The following OPA3 variants were observed in gnomAD, a reference collection of about 807,000 sequenced individuals.
OPA3 encodes the protein optic atrophy 3 protein.
OPA3 carries 6 observed loss-of-function variants against 4.0 expected under a neutral mutation model. The ratio of observed to expected loss-of-function variants is 1.51; its 90% CI spans 0.83 to 2.99. The LOEUF is 2.99. Ranked by LOEUF, OPA3 falls within the 30% of genes most tolerant of loss-of-function variation. OPA3 has a pLI of 0.00. For synonymous variants in OPA3, 105 were observed against 117.1 expected (o/e 0.90, Z 0.67); for missense variants, 235 against 256.2 (o/e 0.92, Z 0.56).
intron 1 of OPA3, among the ~76,000 whole-genome samples, chr19:45,555,576 C>A (rs750665519): frequency 1.3e-5 from 2 of 152,034 alleles, no homozygotes; most frequent in Non-Finnish European, 2.9e-5. Flanking sequence ...CTGCAAGCTC[C>A]GCCACCCGGG....
chr19:45,555,090 A>G (rs1969400647), intron 1 of OPA3, among the ~76,000 whole-genome samples: 2 of 152,228 alleles, frequency 1.3e-5, no homozygotes, highest in African/African-American at 4.8e-5. Flanking sequence ...ATGTCCATCC[A>G]AAAGATGAAC....
rs375271511 is a variant in OPA3, at chr19:45,531,583, G to A, written c.143-2127C>T. On this transcript the variant is annotated intron_variant, in intron 1 of 1. Transcript: ENST00000323060. ...TGAATTTCATTCTAGTTTTCCTGGA[G>A]TATATCCCTAGATACCTTTTGCAGA... is the stretch of plus-strand genomic sequence containing the variant. Among the ~76,000 whole-genome samples the A allele has an allele frequency of 1.1e-4, 17 of 152,236 alleles. No individual in the cohort carries two copies. In the East Asian group the frequency reaches 1.7e-3, roughly 16 times the overall value.
At chr19:45,536,123 G>A (rs977500268) in intron 1 of OPA3, among the ~76,000 whole-genome samples, 21 of 150,814 alleles carry the variant, frequency 1.4e-4, no homozygotes, top group Non-Finnish European at 2.4e-4. Flanking sequence ...CAGCTACTCA[G>A]GAGGCTTAGG....
intron 1 of OPA3, among the ~76,000 whole-genome samples, chr19:45,530,293 G>T (rs1969045070): frequency 6.6e-6 from 1 of 152,074 alleles, no homozygotes; most frequent in South Asian, 2.1e-4. Flanking sequence ...GGCAGAGGCT[G>T]CAGTGAGCCG....
chr19:45,567,862 T>C (rs1802754244), intron 1 of OPA3, among the ~76,000 whole-genome samples: 1 of 152,166 alleles, frequency 6.6e-6, no homozygotes. Context: ...GCTGAGATAA[T>C]GGAAAGCATA....
intron 1 of OPA3, among the ~76,000 whole-genome samples, chr19:45,584,063 G>A (rs1347538836): frequency 6.6e-6 from 1 of 152,108 alleles, no homozygotes; most frequent in Non-Finnish European, 1.5e-5. Flanking sequence ...GTCCTTTTCC[G>A]GATTCCCAGG....
At chr19:45,533,256 C>T (rs986203544) in intron 1 of OPA3, among the ~76,000 whole-genome samples, 1 of 149,506 alleles carries the variant, frequency 6.7e-6, no homozygotes. Flanking sequence ...AGTGCAGTGG[C>T]GCATCTCTGC....
At chr19:45,574,774 G>A (rs1969742780) in intron 1 of OPA3, among the ~76,000 whole-genome samples, 1 of 152,208 alleles carries the variant, frequency 6.6e-6, no homozygotes, top group Non-Finnish European at 1.5e-5. Context: ...TGGTGGAAAT[G>A]ACGCTGGAAG....
intron 1 of OPA3, among the ~76,000 whole-genome samples, chr19:45,537,757 C>T (rs562123029): frequency 2.0e-5 from 3 of 152,124 alleles, no homozygotes; most frequent in East Asian, 3.9e-4. Context: ...CTCAGCCTCC[C>T]GAGTGCCAGA....
chr19:45,584,743 T>G lies in OPA3; in HGVS notation c.22A>C (p.Met8Leu), dbSNP rs1357831556. Residue 8 changes from methionine to leucine, a missense_variant, in exon 1 of 2, where the codon ATG becomes CTG. Transcript: ENST00000263275. The part of the protein sequence containing the change: MVVGAFP[M>L]AKLLYLGIRQ... The stretch of plus-strand genomic sequence containing the variant: ...ATGCCCAAGTATAGCAGCTTCGCCA[T>G]AGGGAACGCGCCCACCACCATCTTG... 1 of 1,613,888 alleles carries G rather than the reference T, an allele frequency of 6.2e-7. No individual in the cohort carries two copies. The highest frequency in any genetic ancestry group is 8.5e-7 in the Non-Finnish European group (1 of 1,180,020).
intron 1 of OPA3, among the ~76,000 whole-genome samples, chr19:45,532,406 G>C (rs1969069390): frequency 6.6e-6 from 1 of 152,168 alleles, no homozygotes; most frequent in South Asian, 2.1e-4. Context: ...TACTGAAACT[G>C]ATGGTGATCT....
At chr19:45,578,545 G>C (rs2334251) in intron 1 of OPA3, among the ~76,000 whole-genome samples, 65,962 of 151,672 alleles carry the variant, frequency 0.43, 17,534 homozygotes, top group African/African-American at 0.74. Flanking sequence ...CTCTGCTCCC[G>C]GGCCAGGCGT....
At chr19:45,527,776 T>C (rs941204598) in exon 2 of OPA3, 2 of 152,216 alleles carry the variant, frequency 1.3e-5, no homozygotes, top group Non-Finnish European at 2.9e-5. Flanking sequence ...CTTAAGATCT[T>C]TACCCCAGAG....
intron 1 of OPA3, among the ~76,000 whole-genome samples, chr19:45,580,738 C>T (rs1462923155): frequency 6.6e-6 from 1 of 151,954 alleles, no homozygotes; most frequent in African/African-American, 2.4e-5. Flanking sequence ...CCTGCCTCAG[C>T]CTCCCAAGTA....
At chr19:45,559,528 T>C (rs1356564357) in intron 1 of OPA3, among the ~76,000 whole-genome samples, 4 of 150,634 alleles carry the variant, frequency 2.7e-5, no homozygotes, top group Admixed American at 2.0e-4. Context: ...CAGCCTCCCA[T>C]GTAGCTGGGA....
intron 1 of OPA3, among the ~76,000 whole-genome samples, chr19:45,571,963 C>A (rs912523090): frequency 6.6e-6 from 1 of 151,764 alleles, no homozygotes; most frequent in Non-Finnish European, 1.5e-5. Context: ...GTTTTAATAT[C>A]CTTCTCTTTT....
chr19:45,533,976 A>C (rs1969088356), intron 1 of OPA3, among the ~76,000 whole-genome samples: 1 of 152,244 alleles, frequency 6.6e-6, no homozygotes, highest in South Asian at 2.1e-4. Flanking sequence ...ACATGCACAA[A>C]TATACAAACA....
intron 1 of OPA3, among the ~76,000 whole-genome samples, chr19:45,538,290 G>T (rs534316387): frequency 1.4e-4 from 22 of 152,166 alleles, no homozygotes; most frequent in African/African-American, 4.1e-4. Context: ...GTGTGGTGGT[G>T]TATGCCTGTG....
Position 45,548,111 on chromosome 19 carries a change from C to A in OPA3, c.*5403G>T. ...AGAATGGAGCCTGGTGCAGTTGATC[C>A]TCAGTACACTCAGAGTTGCCATGCT... On this transcript the variant is annotated 3_prime_UTR_variant, in exon 2 of 2. Coordinates refer to ENST00000263275, the MANE Select transcript of OPA3 (RefSeq NM_025136.4). The A allele has an allele frequency of 1.0e-6, 1 of 985,504 alleles. No homozygotes were observed. The highest frequency in any genetic ancestry group is 1.2e-6 in the Non-Finnish European group (1 of 829,934). The allele number at this position is 985,504 out of a possible 1,614,324, so 61.0% of individuals were successfully genotyped here.
Sources: gnomAD v4.1 joint callset for allele counts (sites outside exome capture counted in the v4.1 genomes callset) on GRCh38, gnomAD v4.1.1 for gene constraint, MANE v1.5 for transcripts, NCBI Gene and HGNC (gene_info 2026-07-23, HGNC 2026-07-21) for gene names.